Variants in BMPR1B observed in about 807,000 individuals in gnomAD.
The protein encoded by BMPR1B is bone morphogenetic protein receptor type-1B.
A neutral mutation model predicts 59.1 loss-of-function variants in BMPR1B; 12 were observed. The observed-to-expected ratio is 0.20, with a 90% confidence interval of 0.13 to 0.33. BMPR1B has a LOEUF of 0.33. Among genes scored for constraint, BMPR1B ranks in the 10% least tolerant of loss-of-function variants. The pLI, the probability that BMPR1B is intolerant of heterozygous loss-of-function variation, is 1.00. For synonymous variants in BMPR1B, 237 were observed against 207.3 expected (o/e 1.14, Z -1.23); for missense variants, 550 against 610.9 (o/e 0.90, Z 1.05).
chr4:94,844,223 T>TTGTGTGTGTGTGTGTGTG (rs150471976), intron 1 of BMPR1B, among the ~76,000 whole-genome samples: 4 of 146,658 alleles, frequency 2.7e-5, no homozygotes, highest in African/African-American at 1.0e-4. Flanking sequence ...TGAATCATCT[T>TTGTGTGTGTGTGTGTGTG]TGTGTGTGTG....
At chr4:94,806,955 C>T (rs1356237226) in intron 1 of BMPR1B, among the ~76,000 whole-genome samples, 1 of 151,756 alleles carries the variant, frequency 6.6e-6, no homozygotes. Context: ...TAAATAAGTT[C>T]ATAATAAATA....
intron 10 of BMPR1B, among the ~76,000 whole-genome samples, chr4:95,135,763 C>T (rs142479956): frequency 0.084 from 12,773 of 152,194 alleles, 712 homozygotes; most frequent in East Asian, 0.21. Flanking sequence ...AGATTTTGGG[C>T]TGAGATGATG....
intron 2 of BMPR1B, among the ~76,000 whole-genome samples, chr4:94,968,665 C>CGATGTTT (rs1440402825): frequency 6.6e-6 from 1 of 152,096 alleles, no homozygotes; most frequent in Non-Finnish European, 1.5e-5. Context: ...TCTGTGCCTC[C>CGATGTTT]GATGTTTGAG....
chr4:95,082,992 C>T (rs968295562), intron 3 of BMPR1B, among the ~76,000 whole-genome samples: 4 of 140,526 alleles, frequency 2.8e-5, no homozygotes, highest in African/African-American at 8.1e-5. Flanking sequence ...GAGCCGAGAT[C>T]GCGCCACTGC....
intron 3 of BMPR1B, among the ~76,000 whole-genome samples, chr4:95,001,383 G>T (rs1201993896): frequency 9.4e-6 from 1 of 106,602 alleles, no homozygotes; most frequent in Non-Finnish European, 2.0e-5. Flanking sequence ...ATACCATCAA[G>T]TGAGATGGAG....
At chr4:95,072,894 A>G (rs1489737232) in intron 3 of BMPR1B, among the ~76,000 whole-genome samples, 1 of 152,192 alleles carries the variant, frequency 6.6e-6, no homozygotes, top group Non-Finnish European at 1.5e-5. Flanking sequence ...AAATTACAGA[A>G]AGAGTCTATT....
At chr4:95,061,627 T>C (rs1001536543) in intron 3 of BMPR1B, among the ~76,000 whole-genome samples, 7 of 152,148 alleles carry the variant, frequency 4.6e-5, no homozygotes, top group African/African-American at 1.7e-4. Context: ...AAGCAGAAAG[T>C]TGTTAGGTGA....
chr4:94,997,797 G>T (rs1407887445), intron 3 of BMPR1B, among the ~76,000 whole-genome samples: 7 of 152,020 alleles, frequency 4.6e-5, no homozygotes, highest in Non-Finnish European at 1.0e-4. Flanking sequence ...TTTTGCCTTT[G>T]AGTAATATCT....
At chr4:94,963,806 G>T (rs541719081) in intron 2 of BMPR1B, among the ~76,000 whole-genome samples, 1 of 151,686 alleles carries the variant, frequency 6.6e-6, no homozygotes. Context: ...GATTTTTTTC[G>T]CTATTCTAGG....
chr4:94,851,919 G>A (rs1037153499), intron 1 of BMPR1B, among the ~76,000 whole-genome samples: 4 of 152,076 alleles, frequency 2.6e-5, no homozygotes, highest in Non-Finnish European at 2.9e-5. Flanking sequence ...GTACATCTTC[G>A]TACACTCAGT....
At chr4:95,071,867 G>A (rs1431745141) in intron 3 of BMPR1B, among the ~76,000 whole-genome samples, 1 of 151,824 alleles carries the variant, frequency 6.6e-6, no homozygotes, top group African/African-American at 2.4e-5. Flanking sequence ...GTGACACTTT[G>A]TTAACTGTTA....
At chr4:94,903,134 G>T (rs1205860486) in intron 2 of BMPR1B, among the ~76,000 whole-genome samples, 3 of 152,044 alleles carry the variant, frequency 2.0e-5, no homozygotes, top group African/African-American at 7.2e-5. Flanking sequence ...TTATGGCATA[G>T]AAATTAATTA....
At chr4:95,003,801 C>CTTTTTTTTTTTTTTTTTTTTT in intron 3 of BMPR1B, among the ~76,000 whole-genome samples, 1 of 84,560 alleles carries the variant, frequency 1.2e-5, no homozygotes, top group Non-Finnish European at 2.1e-5. Flanking sequence ...CAAAGTCCAT[C>CTTTTTTTTTTTTTTTTTTTTT]TTTTTTTTTT....
At chr4:94,900,402 G>A (rs1727765820) in intron 2 of BMPR1B, among the ~76,000 whole-genome samples, 1 of 150,952 alleles carries the variant, frequency 6.6e-6, no homozygotes, top group African/African-American at 2.4e-5. Flanking sequence ...GTTAATCAGA[G>A]TGTTAAGTTC....
At chr4:94,900,199 C>A (rs1179313190) in intron 2 of BMPR1B, among the ~76,000 whole-genome samples, 1 of 151,584 alleles carries the variant, frequency 6.6e-6, no homozygotes, top group Non-Finnish European at 1.5e-5. Flanking sequence ...TAGAAAGACA[C>A]CACAGTGTAA....
In BMPR1B at chr4:95,148,785, G is replaced by A; in HGVS notation, c.1114G>A (p.Val372Ile). 1 of 1,613,946 alleles carries A rather than the reference G, an allele frequency of 6.2e-7. No individual in the cohort carries two copies. The highest frequency in any genetic ancestry group is 8.5e-7 in the Non-Finnish European group (1 of 1,179,942). ...NEVDIPPNTR[V>I]GTKRYMPPEV... ...AGTTGACATACCACCTAACACTCGA[G>A]TTGGCACCAAACGCTATATGCCTCC... The change falls in exon 11 of 13, where the codon GTT becomes ATT. Residue 372 changes from valine to isoleucine, a missense_variant. This residue lies in a region of BMPR1B where 318 missense variants were observed against 284.6 expected (regional missense o/e 1.12). Coordinates refer to ENST00000515059, the MANE Select transcript of BMPR1B (RefSeq NM_001203.3).
chr4:94,791,018 T>C (rs1318511661), intron 1 of BMPR1B, among the ~76,000 whole-genome samples: 1 of 152,154 alleles, frequency 6.6e-6, no homozygotes, highest in Non-Finnish European at 1.5e-5. Context: ...GATGGAGTCT[T>C]GCTCTGTTAC....
intron 3 of BMPR1B, among the ~76,000 whole-genome samples, chr4:95,032,794 G>C (rs1009338958): frequency 3.3e-5 from 5 of 152,030 alleles, no homozygotes; most frequent in African/African-American, 1.2e-4. Context: ...TGATCCATTG[G>C]GTTGGTTCCA....
At chr4:95,092,808 C>T (rs1579065268) in intron 3 of BMPR1B, among the ~76,000 whole-genome samples, 1 of 152,074 alleles carries the variant, frequency 6.6e-6, no homozygotes, top group African/African-American at 2.4e-5. Context: ...ATATATGCAT[C>T]TATAAAATAG....
Sources: allele counts gnomAD v4.1 joint callset (sites outside exome capture counted in the v4.1 genomes callset), GRCh38; gene constraint gnomAD v4.1.1; regional missense constraint gnomAD v4.1.1; transcripts MANE v1.5; gene names NCBI Gene and HGNC (gene_info 2026-07-23, HGNC 2026-07-21).